SNTG2: variants seen among roughly 807,000 people sequenced by gnomAD.
The protein encoded by SNTG2 is syntrophin gamma 2.
A neutral mutation model predicts 70.9 loss-of-function variants in SNTG2; 74 were observed. The observed-to-expected ratio is 1.04, with a 90% CI of 0.86 to 1.27. The LOEUF (loss-of-function observed/expected upper bound fraction) is 1.27. Among genes scored for constraint, SNTG2 ranks in the 50% most tolerant of loss-of-function variants. SNTG2 has a pLI of 0.00. For missense variants in SNTG2, 717 were observed against 690.7 expected (o/e 1.04, Z -0.43); for synonymous variants, 278 against 273.8 (o/e 1.02, Z -0.15).
intron 12 of SNTG2, among the ~76,000 whole-genome samples, chr2:1,258,908 T>C (rs1678265412): frequency 6.6e-6 from 1 of 152,208 alleles, no homozygotes; most frequent in Non-Finnish European, 1.5e-5. Context: ...AGTTTAGTTC[T>C]AAAAAGCAAA....
intron 16 of SNTG2, among the ~76,000 whole-genome samples, chr2:1,364,539 G>A (rs13412196): frequency 0.72 from 108,009 of 149,898 alleles, 39,201 homozygotes; most frequent in East Asian, 0.94. Context: ...GGCAGATCAC[G>A]AGGTCAGGAA....
At position 959,351 on chromosome 2, in the gene SNTG2, T is replaced by A. The variant is rs1660276264; in HGVS notation, c.72+8283T>A. Among the ~76,000 whole-genome samples the A allele has an allele frequency of 2.0e-5, 3 of 152,368 alleles. No homozygotes were observed. In the South Asian group the frequency reaches 6.2e-4, roughly 32 times the overall value. Reference sequence around the variant, plus strand: ...CCAGCACAGATCTATGAAAATGCTATGAGCTTTATGTATTGCAATTATTTT... The same window carrying A: ...CCAGCACAGATCTATGAAAATGCTAAGAGCTTTATGTATTGCAATTATTTT... On this transcript the variant is annotated intron_variant, in intron 1 of 16. Transcript: ENST00000308624.
intron 16 of SNTG2, among the ~76,000 whole-genome samples, chr2:1,361,296 G>A (rs1661129331): frequency 6.6e-6 from 1 of 151,784 alleles, no homozygotes; most frequent in African/African-American, 2.4e-5. Context: ...TGAGTGTGTA[G>A]CACGAAATTC....
At chr2:960,977 G>A (rs1051172304) in intron 1 of SNTG2, among the ~76,000 whole-genome samples, 1 of 152,212 alleles carries the variant, frequency 6.6e-6, no homozygotes, top group Non-Finnish European at 1.5e-5. Flanking sequence ...TCCCCGCCTG[G>A]ACGGGCAGCT....
chr2:1,069,361 C>G (rs1290053057), intron 1 of SNTG2, among the ~76,000 whole-genome samples: 1 of 151,278 alleles, frequency 6.6e-6, no homozygotes, highest in East Asian at 1.9e-4. Flanking sequence ...AACCTCTTGT[C>G]TTCTGATTTA....
chr2:1,145,292 A>C (rs1481931777), intron 6 of SNTG2, among the ~76,000 whole-genome samples: 1 of 152,180 alleles, frequency 6.6e-6, no homozygotes, highest in Non-Finnish European at 1.5e-5. Context: ...AGATAGGAAA[A>C]AAAAAGCTGT....
At chr2:1,296,126 G>A (rs1680201386) in intron 14 of SNTG2, among the ~76,000 whole-genome samples, 1 of 152,208 alleles carries the variant, frequency 6.6e-6, no homozygotes, top group Admixed American at 6.5e-5. Flanking sequence ...GTTGGGGTGG[G>A]AGGGTCAGGC....
chr2:1,337,289 C>A (rs894387531), intron 16 of SNTG2, among the ~76,000 whole-genome samples: 2 of 152,118 alleles, frequency 1.3e-5, no homozygotes, highest in African/African-American at 4.8e-5. Flanking sequence ...AGCAGCTGCA[C>A]TATTTTATTT....
intron 14 of SNTG2, among the ~76,000 whole-genome samples, chr2:1,300,061 T>A (rs1680385697): frequency 6.6e-6 from 1 of 151,312 alleles, no homozygotes; most frequent in South Asian, 2.1e-4. Flanking sequence ...CTGAAGGGCG[T>A]GCAAGAAGGG....
Position 1,247,373 on chromosome 2 carries a change from C to T in SNTG2, c.935C>T (p.Ser312Phe). The T allele has an allele frequency of 6.2e-7, 1 of 1,613,980 alleles. No individual in the cohort carries two copies. The highest frequency in any genetic ancestry group is 8.5e-7 in the Non-Finnish European group (1 of 1,179,888). ...AATGAGAAACTCCAAGGAGCTGACTCCTCTCAAACCTTCAGACCCAAGTTC... is the reference window on the plus strand; with the variant it reads ...AATGAGAAACTCCAAGGAGCTGACTTCTCTCAAACCTTCAGACCCAAGTTC... ...WVNEKLQGADSSQTFRPKFLA... is the reference protein window; with the variant it reads ...WVNEKLQGADFSQTFRPKFLA... The change falls in exon 12 of 17, where the codon TCC becomes TTC. Residue 312 changes from serine (S) to phenylalanine (F), a missense_variant. By Grantham distance (155) the Ser-to-Phe change is radical. Coordinates refer to ENST00000308624, the MANE Select transcript of SNTG2 (RefSeq NM_018968.4).
At chr2:1,026,880 C>T (rs1660507703) in intron 1 of SNTG2, among the ~76,000 whole-genome samples, 1 of 152,144 alleles carries the variant, frequency 6.6e-6, no homozygotes, top group Non-Finnish European at 1.5e-5. Flanking sequence ...CCCTTGGCCT[C>T]CTTCTCTCCT....
At chr2:1,069,997 A>G (rs1335045855) in intron 1 of SNTG2, among the ~76,000 whole-genome samples, 1 of 152,076 alleles carries the variant, frequency 6.6e-6, no homozygotes, top group Non-Finnish European at 1.5e-5. Context: ...AAGTCATTTC[A>G]GAACCCGCGG....
intron 7 of SNTG2, among the ~76,000 whole-genome samples, chr2:1,172,083 A>G (rs1671164695): frequency 6.6e-6 from 1 of 152,206 alleles, no homozygotes; most frequent in African/African-American, 2.4e-5. Context: ...TCTTTCCTGC[A>G]AGAAGCCAGT....
At chr2:1,061,181 G>A (rs528929107) in intron 1 of SNTG2, among the ~76,000 whole-genome samples, 18 of 152,320 alleles carry the variant, frequency 1.2e-4, no homozygotes, top group South Asian at 8.3e-4. Flanking sequence ...TGGGTTGGAC[G>A]CTGGAGTGGA....
In SNTG2 at chr2:1,229,296, A is replaced by G. The variant is rs138392567; in HGVS notation, c.720-8592A>G. Among the ~76,000 whole-genome samples, 966 of 110,416 alleles carry G rather than the reference A, an allele frequency of 8.7e-3. 13 individuals carry two copies. Among genetic ancestry groups the G allele is most frequent in the African/African-American group, 0.032 (876 of 27,790 alleles). 72.4% of individuals were successfully genotyped at this position (110,416 alleles called of 152,430 possible). On this transcript the variant is annotated intron_variant, in intron 9 of 16. Transcript: ENST00000308624. ...CCTGAGCTAGATACAAAGGTTCTCCACGTTCCCATCAGGTTAGATAGAGTA... is the reference window on the plus strand; with the variant it reads ...CCTGAGCTAGATACAAAGGTTCTCCGCGTTCCCATCAGGTTAGATAGAGTA...
chr2:983,435 A>G (rs1661199951), intron 1 of SNTG2, among the ~76,000 whole-genome samples: 1 of 150,768 alleles, frequency 6.6e-6, no homozygotes, highest in Admixed American at 6.6e-5. Flanking sequence ...CCCATCTATC[A>G]TCACGCTCTG....
intron 6 of SNTG2, among the ~76,000 whole-genome samples, chr2:1,159,626 C>T (rs545910496): frequency 6.6e-5 from 10 of 152,006 alleles, no homozygotes; most frequent in African/African-American, 2.2e-4. Context: ...TATTAGAAAA[C>T]AAGAAAGCAA....
At chr2:1,102,875 G>A (rs1248286673) in intron 4 of SNTG2, among the ~76,000 whole-genome samples, 1 of 152,236 alleles carries the variant, frequency 6.6e-6, no homozygotes, top group East Asian at 1.9e-4. Context: ...GAGCCAGGCA[G>A]CCCAGCTCAG....
chr2:1,232,434 G>C (rs866574526), intron 9 of SNTG2, among the ~76,000 whole-genome samples: 1 of 152,018 alleles, frequency 6.6e-6, no homozygotes, highest in Non-Finnish European at 1.5e-5. Context: ...CAAGCAGCTG[G>C]GACTACAGGC....
Sources: allele counts gnomAD v4.1 joint callset (sites outside exome capture counted in the v4.1 genomes callset), GRCh38; gene constraint gnomAD v4.1.1; transcripts MANE v1.5; gene names NCBI Gene and HGNC (gene_info 2026-07-23, HGNC 2026-07-21).